TCN1: variants seen among roughly 807,000 people sequenced by gnomAD.
TCN1 encodes the protein transcobalamin-1.
TCN1 carries 47 observed loss-of-function variants against 46.3 expected under a neutral mutation model. That is an observed-to-expected ratio of 1.01 (90% CI 0.80 to 1.29). TCN1 has a LOEUF of 1.29. Ranked by LOEUF, TCN1 falls within the 50% of genes most tolerant of loss-of-function variation. The pLI is 0.00. For missense variants in TCN1, 532 were observed against 511.0 expected (o/e 1.04, Z -0.40); for synonymous variants, 183 against 192.5 (o/e 0.95, Z 0.41).
chr11:59,854,780 T>C lies in TCN1; in HGVS notation c.993A>G (p.Gln331=), dbSNP rs1470336042. 2 of 1,614,078 alleles carry C rather than the reference T, an allele frequency of 1.2e-6. No individual in the cohort carries two copies. Among genetic ancestry groups the C allele is most frequent in the South Asian group, 2.2e-5 (2 of 91,084 alleles). The change falls in exon 7 of 9, where the codon CAA becomes CAG. Residue 331 remains glutamine (Q), a synonymous_variant. Coordinates refer to ENST00000257264, the MANE Select transcript of TCN1 (RefSeq NM_001062.4). ...CAGAGTAATTGACGGAGATATATGA[T>C]TGTGAGTCAGGAGGTGTCACAGTTA... The part of the protein sequence containing the change: ...EPITVTPPDS[Q]SYISVNYSVR...
chr11:59,863,038 G>A (rs1010400208), intron 2 of TCN1, among the ~76,000 whole-genome samples: 5 of 152,132 alleles, frequency 3.3e-5, no homozygotes, highest in Admixed American at 2.6e-4. Context: ...ATAGGCAATT[G>A]TAGCCCAATA....
chr11:59,855,709 T>C (rs1590865104), intron 6 of TCN1, among the ~76,000 whole-genome samples, 160 bp downstream of exon 6: 1 of 152,220 alleles, frequency 6.6e-6, no homozygotes, highest in Admixed American at 6.5e-5. Context: ...CTCAGGTGAC[T>C]GTAAACCCTG....
chr11:59,853,158 T>C (rs202022046), intron 8 of TCN1, 45 bp downstream of exon 8: 475 of 1,609,164 alleles, frequency 3.0e-4, no homozygotes, highest in Non-Finnish European at 3.7e-4. Context: ...CCCTCTCCAT[T>C]TGGGCATTTT....
chr11:59,862,437 A>C (rs1387235305), intron 3 of TCN1, 145 bp downstream of exon 3: 1 of 990,618 alleles, frequency 1.0e-6, no homozygotes, highest in Non-Finnish European at 1.5e-6. Flanking sequence ...ATGCATACTG[A>C]AAGAGAAAAA....
chr11:59,859,854 C>G (rs1852998140), intron 4 of TCN1, among the ~76,000 whole-genome samples: 1 of 152,148 alleles, frequency 6.6e-6, no homozygotes, highest in South Asian at 2.1e-4. Flanking sequence ...ATTCAAGATG[C>G]ATGCTGAAAG....
At chr11:59,856,085 G>GGGGGGGGGGGCC in intron 5 of TCN1, 27 bp from the exon 6 acceptor site, 1 of 585,328 alleles carries the variant, frequency 1.7e-6, no homozygotes, top group Non-Finnish European at 3.2e-6. Flanking sequence ...GGGTGGGGGG[G>GGGGGGGGGGGCC]TGATGAGAGA....
chr11:59,862,870 T>C, intron 2 of TCN1, 148 bp from the exon 3 acceptor site: 1 of 910,338 alleles, frequency 1.1e-6, no homozygotes, highest in Non-Finnish European at 1.7e-6. Flanking sequence ...GGATAAATTC[T>C]GAGAAACTGG....
intron 4 of TCN1, among the ~76,000 whole-genome samples, chr11:59,860,355 C>T (rs568969733): frequency 6.6e-6 from 1 of 151,842 alleles, no homozygotes; most frequent in Non-Finnish European, 1.5e-5. Flanking sequence ...TCTTGAACTC[C>T]CGACCTCAGG....
chr11:59,856,085 G>GGGGGGGGGA, intron 5 of TCN1, 27 bp from the exon 6 acceptor site: 1 of 585,330 alleles, frequency 1.7e-6, no homozygotes. Flanking sequence ...GGGTGGGGGG[G>GGGGGGGGGA]TGATGAGAGA....
chr11:59,860,037 C>T (rs1414240868), intron 4 of TCN1, among the ~76,000 whole-genome samples: 1 of 152,180 alleles, frequency 6.6e-6, no homozygotes, highest in Non-Finnish European at 1.5e-5. Flanking sequence ...GGTAAAAAGC[C>T]AGGAAATTAG....
intron 6 of TCN1, among the ~76,000 whole-genome samples, 195 bp from the exon 7 acceptor site, chr11:59,855,030 A>G (rs1241332954): frequency 6.6e-6 from 1 of 152,200 alleles, no homozygotes; most frequent in Admixed American, 6.6e-5. Flanking sequence ...CAAACTCACC[A>G]GCTTGTGAAT....
intron 5 of TCN1, 50 bp downstream of exon 5, chr11:59,859,027 C>T (rs1204073719): frequency 6.3e-7 from 1 of 1,580,394 alleles, no homozygotes. Context: ...ATACTGCTTT[C>T]TTCCAGAGAA....
chr11:59,862,779 C>T (rs1255089583), intron 2 of TCN1, 57 bp from the exon 3 acceptor site: 50 of 1,602,322 alleles, frequency 3.1e-5, no homozygotes, highest in South Asian at 3.1e-4. Context: ...TTTTGGGCCT[C>T]CTGATTTCCT....
At chr11:59,856,444 G>C (rs1852939427) in intron 5 of TCN1, among the ~76,000 whole-genome samples, 1 of 152,000 alleles carries the variant, frequency 6.6e-6, no homozygotes, top group African/African-American at 2.4e-5. Context: ...GATGCATCTA[G>C]TGGGATGCCT....
At chr11:59,858,165 G>C (rs144420515) in intron 5 of TCN1, among the ~76,000 whole-genome samples, 76 of 152,160 alleles carry the variant, frequency 5.0e-4, no homozygotes, top group African/African-American at 1.6e-3. Context: ...AAGTAAATAC[G>C]GGTTACTTGA....
chr11:59,859,650 G>C (rs777460621), intron 4 of TCN1, among the ~76,000 whole-genome samples: 23 of 152,070 alleles, frequency 1.5e-4, no homozygotes, highest in Non-Finnish European at 3.1e-4. Context: ...TACTAGCATT[G>C]TATATTTTGG....
chr11:59,863,816 C>A, intron 2 of TCN1, 91 bp downstream of exon 2: 1 of 1,441,750 alleles, frequency 6.9e-7, no homozygotes, highest in African/African-American at 1.4e-5. Context: ...AGCAGGGATA[C>A]TTTGGATGCA....
At chr11:59,856,085 G>GGGGGGGGC in intron 5 of TCN1, 27 bp from the exon 6 acceptor site, 3 of 585,324 alleles carry the variant, frequency 5.1e-6, no homozygotes, top group Non-Finnish European at 9.6e-6. Flanking sequence ...GGGTGGGGGG[G>GGGGGGGGC]TGATGAGAGA....
chr11:59,856,711 T>C (rs1291889108), intron 5 of TCN1, among the ~76,000 whole-genome samples: 1 of 152,150 alleles, frequency 6.6e-6, no homozygotes, highest in Non-Finnish European at 1.5e-5. Flanking sequence ...TGGAGGCAAC[T>C]GTGGAAAAAC....
Sources: gnomAD v4.1 joint callset for allele counts (sites outside exome capture counted in the v4.1 genomes callset) on GRCh38, gnomAD v4.1.1 for gene constraint, MANE v1.5 for transcripts, NCBI Gene and HGNC (gene_info 2026-07-23, HGNC 2026-07-21) for gene names.